The following DNAH12 variants were observed in gnomAD, a reference collection of about 807,000 sequenced individuals.
The protein encoded by DNAH12 is dynein axonemal heavy chain 12.
Under a neutral mutation model 371.5 loss-of-function variants are expected in DNAH12, and 285 were observed. That is an observed-to-expected ratio of 0.77 (90% CI 0.70 to 0.85). The LOEUF is 0.85. Ranked by LOEUF, DNAH12 falls within the 40% of genes least tolerant of loss-of-function variation. The pLI is 0.00. For synonymous variants in DNAH12, 1,200 were observed against 1,213.0 expected (o/e 0.99, Z 0.22); for missense variants, 3,611 against 3,689.4 (o/e 0.98, Z 0.55).
At chr3:57,491,944 T>C (rs1392254999) in intron 11 of DNAH12, among the ~76,000 whole-genome samples, 2 of 151,782 alleles carry the variant, frequency 1.3e-5, no homozygotes, top group Non-Finnish European at 2.9e-5. Context: ...AGGCAGAGGC[T>C]GCGTTGAGCC....
chr3:57,306,532 G>C (rs1480401742), intron 69 of DNAH12, among the ~76,000 whole-genome samples: 2 of 151,954 alleles, frequency 1.3e-5, no homozygotes, highest in African/African-American at 4.8e-5. Flanking sequence ...CCAGTTCAAA[G>C]CCTGCTTCAC....
chr3:57,389,036 T>C (rs2063554412), intron 45 of DNAH12, among the ~76,000 whole-genome samples: 1 of 152,190 alleles, frequency 6.6e-6, no homozygotes, highest in Non-Finnish European at 1.5e-5. Flanking sequence ...ACATGTACCC[T>C]AGAACTTAAA....
chr3:57,316,129 T>TC (rs1426555075), intron 65 of DNAH12, among the ~76,000 whole-genome samples: 3 of 124,768 alleles, frequency 2.4e-5, no homozygotes, highest in African/African-American at 6.8e-5. Flanking sequence ...AATAACCCCT[T>TC]CCCCTTTTTT....
chr3:57,407,053 C>T (rs1408424650), intron 40 of DNAH12, among the ~76,000 whole-genome samples: 10 of 152,026 alleles, frequency 6.6e-5, no homozygotes, highest in Admixed American at 5.9e-4. Flanking sequence ...TGCACACCAC[C>T]ACGCCCAGCT....
chr3:57,411,540 AAAAAAAAAAAAAAAAG>A (rs1386819440), intron 39 of DNAH12, among the ~76,000 whole-genome samples: 3 of 145,108 alleles, frequency 2.1e-5, no homozygotes, highest in African/African-American at 5.0e-5. Flanking sequence ...AAAAAAAAAA[AAAAAAAAAAAAAAAAG>A]AAAGAAAGAA....
intron 29 of DNAH12, among the ~76,000 whole-genome samples, chr3:57,440,704 T>C (rs911485339): frequency 6.6e-6 from 1 of 152,016 alleles, no homozygotes; most frequent in Non-Finnish European, 1.5e-5. Flanking sequence ...AATAAGTAAA[T>C]AGGCCAGGAG....
chr3:57,532,643 C>G (rs1412535878), intron 2 of DNAH12, among the ~76,000 whole-genome samples: 1 of 152,220 alleles, frequency 6.6e-6, no homozygotes, highest in Non-Finnish European at 1.5e-5. Flanking sequence ...GATTACCAGA[C>G]AGAAACTCTT....
At chr3:57,538,485 C>A (rs72872518) in intron 2 of DNAH12, among the ~76,000 whole-genome samples, 2,635 of 152,238 alleles carry the variant, frequency 0.017, 69 homozygotes, top group African/African-American at 0.06. Flanking sequence ...CATGCCAAAC[C>A]CTTTGATTTG....
In DNAH12 at chr3:57,389,839, T is replaced by TATATATATATATATAA. The variant is rs1326237791; in HGVS notation, c.7305+2032_7305+2033insTTATATATATATATAT. The stretch of plus-strand genomic sequence containing the variant: ...GTGTGTGTGTATATATATATATATA[T>TATATATATATATATAA]AATACTTTTTTTTTTGAAATGGAGT... On this transcript the variant is annotated intron_variant, in intron 45 of 73. Transcript: ENST00000495027. Among the ~76,000 whole-genome samples, 37 of 84,892 alleles carry TATATATATATATATAA rather than the reference T, an allele frequency of 4.4e-4. 3 individuals are homozygous for TATATATATATATATAA. The highest frequency in any genetic ancestry group is 7.5e-4 in the East Asian group (1 of 1,336). 55.7% of individuals were successfully genotyped at this position (84,892 alleles called of 152,430 possible).
chr3:57,405,287 T>G, intron 41 of DNAH12, 140 bp from the exon 42 acceptor site: 1 of 693,736 alleles, frequency 1.4e-6, no homozygotes, highest in Non-Finnish European at 2.3e-6. Context: ...CTTATAAAAT[T>G]AATACCTGAA....
chr3:57,315,799 G>T (rs1197165032), intron 65 of DNAH12, among the ~76,000 whole-genome samples: 3 of 152,178 alleles, frequency 2.0e-5, no homozygotes, highest in African/African-American at 7.2e-5. Flanking sequence ...AATAGTTGAA[G>T]GTTGCCCCTG....
chr3:57,555,418 C>A, the DNAH12 span, among the ~76,000 whole-genome samples: 5 of 151,952 alleles, frequency 3.3e-5, no homozygotes, highest in African/African-American at 4.8e-5. Context: ...GTGGCTCTTG[C>A]CTGTTTGTAC....
At chr3:57,355,474 G>T (rs957551447) in intron 59 of DNAH12, among the ~76,000 whole-genome samples, 49 of 146,704 alleles carry the variant, frequency 3.3e-4, no homozygotes, top group African/African-American at 9.7e-4. Flanking sequence ...GTTGAATATA[G>T]CATTTTATGC....
In DNAH12 at chr3:57,386,519, T is replaced by C. The variant is rs2063502439; in HGVS notation, c.7524A>G (p.Thr2508=). 5.3e-5 allele frequency: 8 copies of C among 152,206 alleles called. No individual in the cohort carries two copies. 9.4% of individuals were successfully genotyped at this position (152,206 alleles called of 1,614,324 possible). A position where few individuals can be genotyped will look rare whatever the true frequency, so the allele number is the denominator to read the frequency against. Residue 2508 remains threonine (T), a synonymous_variant, in exon 47 of 74, where the codon ACA becomes ACG. Coordinates refer to ENST00000495027, the MANE Select transcript of DNAH12 (RefSeq NM_001366028.2). The stretch of plus-strand genomic sequence containing the variant: ...CTTCCATGACAGCTTGTCGCTTCTG[T>C]GTCAAAAGCTGTCGAAATGAGCCAA... ...ELIGSFRQLL[T]QKRQAVMEAK... is the part of the protein sequence containing the mutation.
intron 9 of DNAH12, 29 bp from the exon 10 acceptor site, chr3:57,502,508 A>C: frequency 1.3e-6 from 2 of 1,588,490 alleles, no homozygotes; most frequent in South Asian, 2.2e-5. Context: ...ATAACAATGT[A>C]TACAATAAAT....
chr3:57,530,354 T>C (rs1168167830), intron 2 of DNAH12: 1 of 481,704 alleles, frequency 2.1e-6, no homozygotes, highest in African/African-American at 1.9e-5. Context: ...TTTATTTGCC[T>C]TTCTGGGCCT....
Position 57,446,636 on chromosome 3 carries a change from T to C in DNAH12, c.3840A>G (p.Thr1280=). The C allele has an allele frequency of 1.3e-6, 2 of 1,550,270 alleles. No individual in the cohort carries two copies. The highest frequency in any genetic ancestry group is 1.7e-6 in the Non-Finnish European group (2 of 1,146,122). The change falls in exon 26 of 74, where the codon ACA becomes ACG. Residue 1280 remains threonine (T), a synonymous_variant. Transcript: ENST00000495027. ...AGTCCTTGGTGGTTTCGGTTTTTCCTGTGCCTGCTGGCCCCTCTGGAGCAC... is the reference window on the plus strand; with the variant it reads ...AGTCCTTGGTGGTTTCGGTTTTTCCCGTGCCTGCTGGCCCCTCTGGAGCAC... ...LGGAPEGPAG[T]GKTETTKDLA... is the part of the protein sequence containing the mutation.
At chr3:57,328,512 C>A (rs36169818) in intron 62 of DNAH12, among the ~76,000 whole-genome samples, 31,025 of 141,646 alleles carry the variant, frequency 0.22, 3,522 homozygotes, top group South Asian at 0.39. Flanking sequence ...ATTCAACAAC[C>A]CTTCATGCTA....
At chr3:57,339,362 A>G (rs1373057315) in intron 60 of DNAH12, among the ~76,000 whole-genome samples, 1 of 150,196 alleles carries the variant, frequency 6.7e-6, no homozygotes, top group Non-Finnish European at 1.5e-5. Context: ...GAAACACCCA[A>G]GAATGATCAA....
Sources: allele counts gnomAD v4.1 joint callset (sites outside exome capture counted in the v4.1 genomes callset), GRCh38; gene constraint gnomAD v4.1.1; transcripts MANE v1.5; gene names NCBI Gene and HGNC (gene_info 2026-07-23, HGNC 2026-07-21).